The following LARP1B variants were observed in gnomAD, a reference collection of about 807,000 sequenced individuals.
LARP1B encodes La ribonucleoprotein 1B.
Under a neutral mutation model 114.2 loss-of-function variants are expected in LARP1B, and 76 were observed. The ratio of observed to expected loss-of-function variants is 0.67; its 90% CI spans 0.55 to 0.81. The LOEUF is 0.81. Ranked by LOEUF, LARP1B falls within the 30% of genes least tolerant of loss-of-function variation. The pLI is 0.00. For synonymous variants in LARP1B, 345 were observed against 348.0 expected (o/e 0.99, Z 0.10); for missense variants, 1,014 against 1,075.8 (o/e 0.94, Z 0.80).
Position 128,155,797 on chromosome 4 carries a change from A to G in LARP1B, c.1525-6397A>G, listed in dbSNP as rs1409148059. On this transcript the variant is annotated intron_variant, in intron 11 of 19. Transcript: ENST00000326639. ...ACTGACTGACTTCCTGCAGGCGGAG[A>G]CTGATAAACTGGAAGATGAGAAATC... The G allele has an allele frequency of 2.5e-6, 4 of 1,588,598 alleles. No individual in the cohort carries two copies. In the South Asian group the frequency reaches 3.3e-5, roughly 13 times the overall value.
intron 17 of LARP1B, 38 bp downstream of exon 17, chr4:128,200,703 T>C: frequency 7.1e-7 from 1 of 1,408,526 alleles, no homozygotes; most frequent in Non-Finnish European, 9.6e-7. Context: ...GGAGTTTTAT[T>C]ATTTTCTTCT....
chr4:128,155,345 G>C (rs1734985117), intron 11 of LARP1B: 1 of 536,418 alleles, frequency 1.9e-6, no homozygotes, highest in African/African-American at 1.9e-5. Flanking sequence ...AAAGAGAGTC[G>C]GAAGCCAGCG....
In LARP1B at chr4:128,145,881, C is replaced by CA. The variant is rs753432091; in HGVS notation, c.1525-16312dup. On this transcript the variant is annotated intron_variant, in intron 11 of 19. Transcript: ENST00000326639. ...CACAGGCTGGTATTGGTTGCTCCGT[C>CA]ATAGCCAGAAGCAGAAGACCATACC... Among the ~76,000 whole-genome samples, 78 of 152,302 alleles carry CA rather than the reference C, an allele frequency of 5.1e-4. No homozygotes were observed. The Middle Eastern group carries it at 0.01, about 20-fold the overall frequency.
intron 15 of LARP1B, among the ~76,000 whole-genome samples, chr4:128,197,957 TCACTGCAAC>T (rs1198833545): frequency 6.9e-6 from 1 of 143,938 alleles, no homozygotes; most frequent in African/African-American, 2.5e-5. Context: ...TGATCTCTGC[TCACTGCAAC>T]CTCCGCTGCC....
At chr4:128,185,814 C>G (rs1303271298) in intron 15 of LARP1B, among the ~76,000 whole-genome samples, 1 of 152,114 alleles carries the variant, frequency 6.6e-6, no homozygotes, top group Non-Finnish European at 1.5e-5. Context: ...AATTTCATAG[C>G]TTTGGGTCCT....
At chr4:128,107,662 T>C in intron 9 of LARP1B, 1 of 1,429,042 alleles carries the variant, frequency 7.0e-7, no homozygotes, top group East Asian at 2.5e-5. Flanking sequence ...TAAAAAGGTC[T>C]TATACTCAAG....
rs1358954831 is a variant in LARP1B, at chr4:128,164,465, TATC to T, written c.1648+2151_1648+2153del. Among the ~76,000 whole-genome samples, 17 of 152,076 alleles carry T rather than the reference TATC, an allele frequency of 1.1e-4. 1 individual carries two copies. Among genetic ancestry groups the T allele is most frequent in the Admixed American group, 1.1e-3 (17 of 15,254 alleles). On this transcript the variant is annotated intron_variant, in intron 12 of 19. Transcript: ENST00000326639. ...TTGCATGACATTAACAAAGAATTAATATCATAGAAATCTAAAACCTTAAAAATT... is the reference window on the plus strand; with the variant it reads ...TTGCATGACATTAACAAAGAATTAATATAGAAATCTAAAACCTTAAAAATT...
chr4:128,179,445 C>G lies in LARP1B; in HGVS notation c.1936C>G (p.Pro646Ala). ...KRKTRHSTNP[P>A]LECHVGWVMD... The stretch of plus-strand genomic sequence containing the variant: ...AAAAACAAGGCATAGCACAAATCCC[C>G]CTCTAGAGTGTCATGTTGGTTGGGT... The change falls in exon 15 of 20, where the codon CCT (proline) becomes GCT (alanine). Residue 646 changes from proline to alanine, a missense_variant. Physicochemically the swap from Pro to Ala is conservative, Grantham distance 27. Transcript: ENST00000326639. 1 of 1,610,690 alleles carries G rather than the reference C, an allele frequency of 6.2e-7. No homozygotes were observed.
chr4:128,087,977 AT>A (rs1279351013), intron 5 of LARP1B, among the ~76,000 whole-genome samples: 6 of 151,970 alleles, frequency 3.9e-5, no homozygotes, highest in Non-Finnish European at 8.8e-5. Context: ...AATTTCATTA[AT>A]TTTTTTCTTA....
chr4:128,176,755 ACTCTTGGCAT>A, intron 12 of LARP1B, 107 bp from the exon 13 acceptor site: 1 of 882,984 alleles, frequency 1.1e-6, no homozygotes, highest in Non-Finnish European at 1.8e-6. Context: ...AATGAGACTT[ACTCTTGGCAT>A]CTATGGGATG....
intron 11 of LARP1B, chr4:128,156,048 C>T (rs1735455078): frequency 6.3e-7 from 1 of 1,585,258 alleles, no homozygotes; most frequent in South Asian, 1.2e-5. Context: ...CCCCCAAGCT[C>T]ATGACCACAC....
chr4:128,127,558 GCACGGTGGCT>G (rs1364533786), intron 11 of LARP1B, among the ~76,000 whole-genome samples: 7 of 152,182 alleles, frequency 4.6e-5, no homozygotes, highest in African/African-American at 1.7e-4. Flanking sequence ...TTACGGCCGG[GCACGGTGGCT>G]CACGCCTGTA....
chr4:128,200,811 T>G, intron 17 of LARP1B, 146 bp downstream of exon 17: 1 of 537,026 alleles, frequency 1.9e-6, no homozygotes, highest in Non-Finnish European at 3.2e-6. Context: ...ACCGTGAAAG[T>G]AGCACAATAT....
At chr4:128,070,687 G>A (rs1472319031) in intron 1 of LARP1B, among the ~76,000 whole-genome samples, 1 of 151,794 alleles carries the variant, frequency 6.6e-6, no homozygotes, top group Non-Finnish European at 1.5e-5. Flanking sequence ...AGGATGACCG[G>A]CTGTAGTGGC....
chr4:128,063,427 C>CA (rs763868048), intron 1 of LARP1B, among the ~76,000 whole-genome samples: 2,602 of 13,158 alleles, frequency 0.2, 703 homozygotes, highest in Non-Finnish European at 0.31. Flanking sequence ...GACCCACTCT[C>CA]AAAAAAAAAA....
chr4:128,206,521 A>T lies in LARP1B; in HGVS notation c.2403A>T (p.Lys801Asn). 1 of 1,611,856 alleles carries T rather than the reference A, an allele frequency of 6.2e-7. No individual in the cohort carries two copies. Reference protein sequence around the residue: ...EIFQDFQEETKKDYESGQLYG... With the variant: ...EIFQDFQEETNKDYESGQLYG... ...TTCAGGATTTCCAAGAAGAAACCAA[A>T]AAAGACTACGAATCTGGTAACAATA... Residue 801 changes from lysine (K) to asparagine (N), a missense_variant, in exon 18 of 20, where the codon AAA becomes AAT. Transcript: ENST00000326639.
intron 8 of LARP1B, among the ~76,000 whole-genome samples, chr4:128,103,859 G>A (rs1008238562): frequency 6.6e-6 from 1 of 151,834 alleles, no homozygotes; most frequent in African/African-American, 2.4e-5. Flanking sequence ...ACCATGCCTG[G>A]CCTCCTCTTT....
intron 5 of LARP1B, among the ~76,000 whole-genome samples, chr4:128,083,562 C>T (rs1445176801): frequency 9.9e-5 from 14 of 141,514 alleles, no homozygotes; most frequent in South Asian, 4.6e-4. Context: ...GGGCGGCTGG[C>T]GGGCAGGGGG....
At chr4:128,207,217 T>A (rs1757855970) in intron 18 of LARP1B, 39 bp from the exon 19 acceptor site, 1 of 981,218 alleles carries the variant, frequency 1.0e-6, no homozygotes, top group South Asian at 3.7e-5. Context: ...TTTTTAAAAT[T>A]TCATATAATT....
Sources: gnomAD v4.1 joint callset for allele counts (sites outside exome capture counted in the v4.1 genomes callset) on GRCh38, gnomAD v4.1.1 for gene constraint, MANE v1.5 for transcripts, NCBI Gene and HGNC (gene_info 2026-07-23, HGNC 2026-07-21) for gene names.